The following CTTN variants were observed in gnomAD, a reference collection of about 807,000 sequenced individuals.
The protein encoded by CTTN is cortactin.
Under a neutral mutation model 84.0 loss-of-function variants are expected in CTTN, and 28 were observed. That is an observed-to-expected ratio of 0.33 (90% CI 0.25 to 0.46). The LOEUF is 0.46. Among genes scored for constraint, CTTN ranks in the 20% least tolerant of loss-of-function variants. CTTN has a pLI of 1.00. For missense variants in CTTN, 641 were observed against 723.8 expected, an observed-to-expected ratio of 0.89 and a Z score of 1.31; for synonymous variants, 301 against 288.8, an observed-to-expected ratio of 1.04 and a Z score of -0.43.
chr11:70,427,223 G>A (rs1019226128), intron 13 of CTTN, among the ~76,000 whole-genome samples: 3 of 151,966 alleles, frequency 2.0e-5, no homozygotes, highest in East Asian at 3.9e-4. Flanking sequence ...GGTGGTCCAC[G>A]CCTGTAATCC....
At chr11:70,404,453 G>A (rs2058020955) in intron 1 of CTTN, among the ~76,000 whole-genome samples, 3 of 152,182 alleles carry the variant, frequency 2.0e-5, no homozygotes, top group Admixed American at 1.3e-4. Context: ...AATGCAGCCC[G>A]CCTCCTCCTC....
intron 5 of CTTN, 102 bp from the exon 6 acceptor site, chr11:70,414,440 T>A: frequency 1.2e-6 from 1 of 824,460 alleles, no homozygotes; most frequent in Non-Finnish European, 2.0e-6. Flanking sequence ...AAGGTTTCCC[T>A]GCACTGACCA....
chr11:70,399,474 C>G (rs1044073271), intron 1 of CTTN, among the ~76,000 whole-genome samples: 2 of 151,930 alleles, frequency 1.3e-5, no homozygotes, highest in African/African-American at 4.8e-5. Context: ...GGGATCCGCC[C>G]GGCCTGCACC....
At chr11:70,427,347 C>A (rs1038693186) in intron 13 of CTTN, among the ~76,000 whole-genome samples, 2 of 152,088 alleles carry the variant, frequency 1.3e-5, no homozygotes, top group Non-Finnish European at 2.9e-5. Flanking sequence ...TAAACTCCAT[C>A]TCAAAAAATA....
chr11:70,433,147 G>A lies in CTTN; in HGVS notation c.1313G>A (p.Ser438Asn), dbSNP rs2058373677. The A allele has an allele frequency of 6.2e-7, 1 of 1,613,764 alleles. No individual in the cohort carries two copies. The highest frequency in any genetic ancestry group is 8.5e-7 in the Non-Finnish European group (1 of 1,180,022). Residue 438 changes from serine (S) to asparagine (N), a missense_variant, in exon 16 of 18, where the codon AGT (serine) becomes AAT (asparagine). Coordinates refer to ENST00000301843, the MANE Select transcript of CTTN (RefSeq NM_005231.4). ...GAGCTGAGCTACAGAGGCCCTGTGA[G>A]TGGGACGGAGCCGGAGCCCGTGTAC... ...KAELSYRGPV[S>N]GTEPEPVYSM...
chr11:70,412,235 T>A (rs1240473405), intron 5 of CTTN, among the ~76,000 whole-genome samples: 1 of 152,162 alleles, frequency 6.6e-6, no homozygotes, highest in African/African-American at 2.4e-5. Flanking sequence ...GAGACCAGCC[T>A]GGGCAACATA....
chr11:70,416,952 C>CA, intron 7 of CTTN, 61 bp from the exon 8 acceptor site: 1 of 1,207,802 alleles, frequency 8.3e-7, no homozygotes, highest in Non-Finnish European at 1.2e-6. Context: ...CTTAGTTTAA[C>CA]AAAAGGAACA....
chr11:70,431,435 C>T (rs1036089725), intron 15 of CTTN, among the ~76,000 whole-genome samples, 155 bp downstream of exon 15: 3 of 151,902 alleles, frequency 2.0e-5, no homozygotes, highest in Non-Finnish European at 2.9e-5. Context: ...GGGCCAGGAG[C>T]GCCTGGGGGG....
chr11:70,431,079 TC>T, intron 14 of CTTN, 111 bp from the exon 15 acceptor site: 1 of 1,121,238 alleles, frequency 8.9e-7, no homozygotes. Flanking sequence ...TGTTTTCCAC[TC>T]CTTTCCCCAG....
chr11:70,411,503 A>G lies in CTTN; in HGVS notation c.291+1543A>G, dbSNP rs141092010. 4.0e-5 allele frequency among the ~76,000 whole-genome samples: 6 copies of G among 151,790 alleles called. 1 individual carries two copies. In the South Asian group the frequency reaches 1.2e-3, roughly 31 times the overall value. On this transcript the variant is annotated intron_variant, in intron 5 of 17. Transcript: ENST00000301843. ...AAGCAAGTAGATAGGAGCCTTTCCC[A>G]CTGCAGACTGAGGCGAGCCCTGTGC...
chr11:70,403,125 C>T (rs1302487857), intron 1 of CTTN, among the ~76,000 whole-genome samples: 1 of 151,014 alleles, frequency 6.6e-6, no homozygotes, highest in Non-Finnish European at 1.5e-5. Context: ...AATGTCTCTT[C>T]AGATCCTTCA....
intron 13 of CTTN, among the ~76,000 whole-genome samples, chr11:70,425,753 A>C (rs1269901458): frequency 1.3e-5 from 2 of 152,228 alleles, no homozygotes; most frequent in Non-Finnish European, 1.5e-5. Flanking sequence ...GCTCGGTCGC[A>C]GCTGTGACAG....
intron 5 of CTTN, among the ~76,000 whole-genome samples, chr11:70,413,739 G>T (rs923151462): frequency 2.0e-5 from 3 of 152,196 alleles, no homozygotes; most frequent in Non-Finnish European, 1.5e-5. Flanking sequence ...TGAACAGGGT[G>T]CTGCTCAGCG....
intron 10 of CTTN, 75 bp from the exon 11 acceptor site, chr11:70,421,395 C>A: frequency 9.6e-7 from 1 of 1,037,000 alleles, no homozygotes; most frequent in Non-Finnish European, 1.5e-6. Flanking sequence ...GATTTTTGCG[C>A]ATGCTCATGC....
intron 8 of CTTN, among the ~76,000 whole-genome samples, chr11:70,418,830 G>A (rs1006033310): frequency 6.7e-5 from 10 of 148,542 alleles, no homozygotes; most frequent in African/African-American, 2.5e-4. Context: ...AGGCTGGAGT[G>A]CAGTGGTGCG....
intron 10 of CTTN, among the ~76,000 whole-genome samples, chr11:70,420,839 GT>G (rs1049816127): frequency 9.2e-5 from 14 of 151,884 alleles, no homozygotes; most frequent in Admixed American, 5.9e-4. Flanking sequence ...TTACCCGGGA[GT>G]GGGGGCATGT....
intron 5 of CTTN, among the ~76,000 whole-genome samples, chr11:70,413,052 A>G (rs919883964): frequency 6.6e-6 from 1 of 152,152 alleles, no homozygotes; most frequent in Non-Finnish European, 1.5e-5. Flanking sequence ...GAGGGTTTGG[A>G]GGTGATGGCT....
At chr11:70,422,413 G>A (rs1565495735) in intron 11 of CTTN, 3 of 976,342 alleles carry the variant, frequency 3.1e-6, no homozygotes, top group Non-Finnish European at 4.3e-6. Context: ...CATCACTGCT[G>A]CATGACAGTG....
intron 2 of CTTN, among the ~76,000 whole-genome samples, chr11:70,406,571 A>C (rs2058043101): frequency 6.6e-6 from 1 of 152,248 alleles, no homozygotes; most frequent in South Asian, 2.1e-4. Context: ...TGCAGTTACA[A>C]GAATTGTCTT....
Sources: allele counts gnomAD v4.1 joint callset (sites outside exome capture counted in the v4.1 genomes callset), GRCh38; gene constraint gnomAD v4.1.1; transcripts MANE v1.5; gene names NCBI Gene and HGNC (gene_info 2026-07-23, HGNC 2026-07-21).